CNTN4: variants seen among roughly 807,000 people sequenced by gnomAD.
The protein encoded by CNTN4 is contactin 4.
A neutral mutation model predicts 122.5 loss-of-function variants in CNTN4; 77 were observed. That is an observed-to-expected ratio of 0.63 (90% CI 0.52 to 0.76). The LOEUF is 0.76. CNTN4 is among the 30% of genes least tolerant of loss of function. CNTN4 has a pLI of 0.00. For missense variants in CNTN4, 1,256 were observed against 1,259.1 expected, an observed-to-expected ratio of 1.00 and a Z score of 0.04; for synonymous variants, 512 against 447.0, an observed-to-expected ratio of 1.15 and a Z score of -1.83.
chr3:2,913,397 C>T (rs1362257313), intron 12 of CNTN4, among the ~76,000 whole-genome samples: 1 of 152,118 alleles, frequency 6.6e-6, no homozygotes, highest in Non-Finnish European at 1.5e-5. Flanking sequence ...CAGGATCTAA[C>T]TATATGCTCT....
chr3:2,630,512 A>C (rs2082382774), intron 4 of CNTN4, among the ~76,000 whole-genome samples: 1 of 152,200 alleles, frequency 6.6e-6, no homozygotes. Context: ...TTAAGGAAAA[A>C]GTTTGCTGAC....
At chr3:2,162,430 G>T (rs2036006234) in intron 2 of CNTN4, among the ~76,000 whole-genome samples, 1 of 152,174 alleles carries the variant, frequency 6.6e-6, no homozygotes, top group South Asian at 2.1e-4. Flanking sequence ...TTTTAGTTTT[G>T]TTTTTGAGAT....
At position 2,787,383 on chromosome 3, in the gene CNTN4, C is replaced by T. The variant is rs113828437; in HGVS notation, c.359-32103C>T. On this transcript the variant is annotated intron_variant, in intron 6 of 24. Coordinates refer to ENST00000418658, the MANE Select transcript of CNTN4 (RefSeq NM_175607.3). ...AGAGCGAGACTCCGCCTCAAAAAAA[C>T]ATACATAAATAAAATAAAATAAATA... Among the ~76,000 whole-genome samples, 1,354 of 152,070 alleles carry T rather than the reference C, an allele frequency of 8.9e-3. 19 individuals are homozygous for T. The highest frequency in any genetic ancestry group is 0.03 in the African/African-American group (1,258 of 41,478).
intron 4 of CNTN4, among the ~76,000 whole-genome samples, chr3:2,590,749 C>T (rs1018321229): frequency 6.6e-6 from 1 of 151,934 alleles, no homozygotes; most frequent in African/African-American, 2.4e-5. Context: ...GGTCTTTCCC[C>T]TTCCTCCTTG....
intron 2 of CNTN4, among the ~76,000 whole-genome samples, chr3:2,133,787 TATTTA>T (rs1301890064): frequency 1.3e-5 from 2 of 152,186 alleles, no homozygotes; most frequent in African/African-American, 2.4e-5. Flanking sequence ...GTTCATGAAT[TATTTA>T]ATTTAAGATT....
intron 3 of CNTN4, among the ~76,000 whole-genome samples, chr3:2,401,554 A>G (rs927187206): frequency 6.6e-6 from 1 of 152,130 alleles, no homozygotes; most frequent in Non-Finnish European, 1.5e-5. Context: ...TAAAATAATC[A>G]TAGGTTTCTA....
chr3:2,412,054 A>T (rs922733727), intron 3 of CNTN4, among the ~76,000 whole-genome samples: 1 of 152,234 alleles, frequency 6.6e-6, no homozygotes, highest in Admixed American at 6.5e-5. Flanking sequence ...CTTGGACTTC[A>T]TATAGGTGGA....
chr3:2,111,257 C>G (rs916421369), intron 2 of CNTN4, among the ~76,000 whole-genome samples: 5 of 152,152 alleles, frequency 3.3e-5, no homozygotes, highest in African/African-American at 9.7e-5. Context: ...TAATTCTACT[C>G]AATTCTTATA....
intron 3 of CNTN4, among the ~76,000 whole-genome samples, chr3:2,391,740 G>A (rs1036210349): frequency 2.0e-5 from 3 of 150,858 alleles, no homozygotes; most frequent in Admixed American, 1.3e-4. Context: ...AGAATTCTGA[G>A]CTCAGAGCTG....
At chr3:2,587,406 A>G (rs1050282941) in intron 4 of CNTN4, among the ~76,000 whole-genome samples, 1 of 152,214 alleles carries the variant, frequency 6.6e-6, no homozygotes, top group Admixed American at 6.5e-5. Context: ...AAGACAGGCA[A>G]ATATTATTTG....
At chr3:2,883,030 A>C (rs1559616346) in intron 8 of CNTN4, 115 bp from the exon 9 acceptor site, 2 of 729,668 alleles carry the variant, frequency 2.7e-6, no homozygotes, top group Non-Finnish European at 4.8e-6. Context: ...AAATGAAGGA[A>C]TTAATTGTGC....
intron 4 of CNTN4, among the ~76,000 whole-genome samples, chr3:2,728,898 G>A (rs555454961): frequency 6.6e-6 from 1 of 152,248 alleles, no homozygotes; most frequent in East Asian, 1.9e-4. Context: ...TGATGTCATG[G>A]GAAGATTGAC....
chr3:2,574,810 G>A (rs969144786), intron 4 of CNTN4, among the ~76,000 whole-genome samples: 1 of 151,938 alleles, frequency 6.6e-6, no homozygotes, highest in Non-Finnish European at 1.5e-5. Context: ...ATCTGTGCCC[G>A]GCTCTACTCC....
intron 13 of CNTN4, 149 bp from the exon 14 acceptor site, chr3:2,988,196 T>C (rs541488274): frequency 1.4e-6 from 1 of 730,418 alleles, no homozygotes; most frequent in African/African-American, 1.7e-5. Context: ...TGTGGACAAA[T>C]ACCCTAAATA....
At chr3:2,636,190 C>A (rs1343436675) in intron 4 of CNTN4, among the ~76,000 whole-genome samples, 1 of 152,152 alleles carries the variant, frequency 6.6e-6, no homozygotes, top group African/African-American at 2.4e-5. Context: ...CAAACCTTGG[C>A]ATTTTGGTAT....
chr3:2,118,112 A>G (rs543959376), intron 2 of CNTN4, among the ~76,000 whole-genome samples: 1 of 152,348 alleles, frequency 6.6e-6, no homozygotes, highest in African/African-American at 2.4e-5. Context: ...AAGTCACTAA[A>G]TGTTTTTATT....
intron 4 of CNTN4, among the ~76,000 whole-genome samples, chr3:2,650,641 C>T (rs1446361508): frequency 6.6e-6 from 1 of 152,208 alleles, no homozygotes; most frequent in Non-Finnish European, 1.5e-5. Flanking sequence ...GCAACATCCA[C>T]CCTGATCAGT....
intron 4 of CNTN4, among the ~76,000 whole-genome samples, chr3:2,714,491 C>T (rs1243175489): frequency 6.6e-6 from 1 of 152,036 alleles, no homozygotes; most frequent in Non-Finnish European, 1.5e-5. Context: ...CAAAAAAGAA[C>T]CTAAGAGTGA....
intron 3 of CNTN4, among the ~76,000 whole-genome samples, chr3:2,509,825 G>A: frequency 6.6e-6 from 1 of 152,146 alleles, no homozygotes; most frequent in Non-Finnish European, 1.5e-5. Context: ...CCTTTGGATA[G>A]TAGGGATGAA....
Sources: gnomAD v4.1 joint callset for allele counts (sites outside exome capture counted in the v4.1 genomes callset) on GRCh38, gnomAD v4.1.1 for gene constraint, MANE v1.5 for transcripts, NCBI Gene and HGNC (gene_info 2026-07-23, HGNC 2026-07-21) for gene names.